GRIA4: variants seen among roughly 807,000 people sequenced by gnomAD.
GRIA4 encodes glutamate ionotropic receptor AMPA type subunit 4.
In GRIA4, 34 loss-of-function variants were observed where a neutral mutation model predicts 104.0. That is an observed-to-expected ratio of 0.33 (90% CI 0.25 to 0.44). The LOEUF (loss-of-function observed/expected upper bound fraction) is 0.44. Ranked by LOEUF, GRIA4 falls within the 20% of genes least tolerant of loss-of-function variation. The pLI, the probability that GRIA4 is intolerant of heterozygous loss-of-function variation, is 1.00. For synonymous variants in GRIA4, 386 were observed against 381.9 expected (o/e 1.01, Z -0.13); for missense variants, 750 against 1,096.5 (o/e 0.68, Z 4.46).
intron 3 of GRIA4, among the ~76,000 whole-genome samples, chr11:105,631,002 T>G (rs907361530): frequency 2.4e-4 from 36 of 152,314 alleles, no homozygotes; most frequent in African/African-American, 8.4e-4. Flanking sequence ...TATTTAAAAT[T>G]CTCGTCTAAA....
At chr11:105,934,052 TTG>T in intron 14 of GRIA4, 83 bp downstream of exon 14, 1 of 1,180,074 alleles carries the variant, frequency 8.5e-7, no homozygotes, top group Non-Finnish European at 1.2e-6. Context: ...TTATTTTGTT[TTG>T]TGTGTGAACA....
chr11:105,643,519 A>G (rs1429890809), intron 3 of GRIA4, among the ~76,000 whole-genome samples: 1 of 152,108 alleles, frequency 6.6e-6, no homozygotes, highest in Non-Finnish European at 1.5e-5. Flanking sequence ...ACACTCTGCC[A>G]TATGCTTTGC....
chr11:105,730,895 T>G (rs1938543762), intron 3 of GRIA4, among the ~76,000 whole-genome samples: 1 of 152,128 alleles, frequency 6.6e-6, no homozygotes, highest in African/African-American at 2.4e-5. Flanking sequence ...GATTAAAAAT[T>G]TAAATGTAAG....
intron 11 of GRIA4, among the ~76,000 whole-genome samples, chr11:105,924,129 G>C (rs1365803173): frequency 1.3e-5 from 2 of 152,072 alleles, no homozygotes; most frequent in Admixed American, 1.3e-4. Flanking sequence ...TTGAGTTCAA[G>C]TTATTTTTGC....
At chr11:105,672,128 G>T (rs955018412) in intron 3 of GRIA4, among the ~76,000 whole-genome samples, 1 of 152,056 alleles carries the variant, frequency 6.6e-6, no homozygotes, top group Non-Finnish European at 1.5e-5. Flanking sequence ...TTTTAATTGA[G>T]GGTAAATAAC....
intron 3 of GRIA4, 45 bp downstream of exon 3, chr11:105,612,479 C>G: frequency 1.3e-6 from 2 of 1,485,052 alleles, no homozygotes; most frequent in Non-Finnish European, 1.9e-6. Flanking sequence ...GAACTGAAAC[C>G]AAGCAATGGA....
intron 3 of GRIA4, among the ~76,000 whole-genome samples, chr11:105,615,207 G>A (rs1241444180): frequency 2.0e-5 from 3 of 151,810 alleles, no homozygotes; most frequent in East Asian, 1.9e-4. Flanking sequence ...AGAATAAAGC[G>A]TGTTAGTTAT....
At chr11:105,649,287 TTTTG>T (rs1565433516) in intron 3 of GRIA4, among the ~76,000 whole-genome samples, 1 of 152,200 alleles carries the variant, frequency 6.6e-6, no homozygotes, top group Non-Finnish European at 1.5e-5. Flanking sequence ...CAATTAATTA[TTTTG>T]TTTATCTCAG....
chr11:105,744,435 C>T (rs997361186), intron 3 of GRIA4, among the ~76,000 whole-genome samples: 2 of 151,994 alleles, frequency 1.3e-5, no homozygotes, highest in Non-Finnish European at 2.9e-5. Context: ...ATATTCATAT[C>T]GAAAAATGCA....
chr11:105,798,212 C>T (rs1447818590), intron 4 of GRIA4, among the ~76,000 whole-genome samples: 1 of 151,864 alleles, frequency 6.6e-6, no homozygotes, highest in Non-Finnish European at 1.5e-5. Flanking sequence ...AACAAAGAAA[C>T]ATAAGTAAAG....
chr11:105,809,008 G>A (rs1037317999), intron 4 of GRIA4, among the ~76,000 whole-genome samples: 1 of 151,946 alleles, frequency 6.6e-6, no homozygotes, highest in Non-Finnish European at 1.5e-5. Context: ...AATATAGTAT[G>A]AATTTTATTT....
rs1218971579 is a variant in GRIA4, at chr11:105,981,025, T to C, written c.*1286T>C. 6.6e-6 allele frequency: 1 copy of C among 152,644 alleles called. No homozygotes were observed. Among genetic ancestry groups the C allele is most frequent in the Non-Finnish European group, 1.5e-5 (1 of 68,030 alleles). The allele number at this position is 152,644 out of a possible 1,614,324, so 9.5% of individuals were successfully genotyped here. A position where few individuals can be genotyped will look rare whatever the true frequency, so the allele number is the denominator to read the frequency against. Reference sequence around the variant, plus strand: ...GTGTCTCTTGGGCTTCTTCCCTTATTCCTATTGTTCCCTTTAAATCATATG... The same window carrying C: ...GTGTCTCTTGGGCTTCTTCCCTTATCCCTATTGTTCCCTTTAAATCATATG... On this transcript the variant is annotated 3_prime_UTR_variant, in exon 17 of 17. Transcript: ENST00000282499.
rs974401166 is a variant in GRIA4 at position 105,962,120 on chromosome 11, A to G, written c.2295-9794A>G. 6.6e-5 allele frequency among the ~76,000 whole-genome samples: 10 copies of G among 152,344 alleles called. 1 individual carries two copies. The South Asian group carries it at 8.3e-4, about 13-fold the overall frequency. ...ATTTGCCCTGTTTACTTAGGTTGAC[A>G]TTTTATCAGATATACACTTTAATAC... On this transcript the variant is annotated intron_variant, in intron 14 of 16. Coordinates refer to ENST00000282499, the MANE Select transcript of GRIA4 (RefSeq NM_000829.4).
intron 4 of GRIA4, among the ~76,000 whole-genome samples, chr11:105,844,031 T>C (rs1944486988): frequency 6.6e-6 from 1 of 152,200 alleles, no homozygotes; most frequent in Non-Finnish European, 1.5e-5. Flanking sequence ...CATCTTGGGT[T>C]ACCTACATAG....
At chr11:105,919,086 C>T (rs1365284213) in intron 11 of GRIA4, among the ~76,000 whole-genome samples, 168 bp downstream of exon 11, 1 of 152,006 alleles carries the variant, frequency 6.6e-6, no homozygotes, top group Non-Finnish European at 1.5e-5. Flanking sequence ...ATGCAATCCA[C>T]AAACAATGAG....
Position 105,682,766 on chromosome 11 carries a change from C to T in GRIA4, c.248-70215C>T, listed in dbSNP as rs115069925. On this transcript the variant is annotated intron_variant, in intron 3 of 16. Transcript: ENST00000282499. ...CTGCAATCTGAAGAAGAGCAGAACT[C>T]GGAACCCCAATACTAATCTCTAGGA... Among the ~76,000 whole-genome samples the T allele has an allele frequency of 5.4e-3, 818 of 152,250 alleles. 10 individuals are homozygous for T. The highest frequency in any genetic ancestry group is 0.019 in the African/African-American group (771 of 41,550).
At chr11:105,809,391 T>A (rs1470625190) in intron 4 of GRIA4, among the ~76,000 whole-genome samples, 1 of 152,128 alleles carries the variant, frequency 6.6e-6, no homozygotes, top group African/African-American at 2.4e-5. Context: ...CTAGTTATTT[T>A]AAAATATGTA....
chr11:105,709,185 C>A (rs1406641822), intron 3 of GRIA4, among the ~76,000 whole-genome samples: 1 of 151,792 alleles, frequency 6.6e-6, no homozygotes, highest in Non-Finnish European at 1.5e-5. Context: ...CTCTGGGACA[C>A]CGTGAGTAAA....
At chr11:105,916,699 GCACA>G (rs1053530523) in intron 10 of GRIA4, among the ~76,000 whole-genome samples, 47 of 152,266 alleles carry the variant, frequency 3.1e-4, no homozygotes, top group African/African-American at 1.1e-3. Context: ...AGAGAAACTT[GCACA>G]CACAAACTAA....
Sources: gnomAD v4.1 joint callset for allele counts (sites outside exome capture counted in the v4.1 genomes callset) on GRCh38, gnomAD v4.1.1 for gene constraint, MANE v1.5 for transcripts, NCBI Gene and HGNC (gene_info 2026-07-23, HGNC 2026-07-21) for gene names.